STAG1: variants seen among roughly 807,000 people sequenced by gnomAD.
STAG1 encodes the protein cohesin subunit SA-1.
Under a neutral mutation model 170.9 loss-of-function variants are expected in STAG1, and 26 were observed. The ratio of observed to expected loss-of-function variants is 0.15; its 90% CI spans 0.11 to 0.21. The LOEUF (loss-of-function observed/expected upper bound fraction) is 0.21. Ranked by LOEUF, STAG1 falls within the 10% of genes least tolerant of loss-of-function variation. The probability of loss-of-function intolerance (pLI) is 1.00; values close to 1 mark genes in which losing one functional copy is unlikely to be tolerated. For synonymous variants in STAG1, 514 were observed against 497.7 expected, an observed-to-expected ratio of 1.03 and a Z score of -0.44; for missense variants, 964 against 1,509.5, an observed-to-expected ratio of 0.64 and a Z score of 5.99.
At chr3:136,431,944 GTC>G (rs2088315695) in intron 16 of STAG1, among the ~76,000 whole-genome samples, 1 of 152,124 alleles carries the variant, frequency 6.6e-6, no homozygotes, top group Non-Finnish European at 1.5e-5. Flanking sequence ...TCTGCAAATT[GTC>G]TCTCATCAAA....
intron 6 of STAG1, among the ~76,000 whole-genome samples, chr3:136,540,848 A>AAAAAAAAAAAAAAAAAAAAAAC (rs1935860549): frequency 6.8e-6 from 1 of 147,598 alleles, no homozygotes; most frequent in Admixed American, 6.8e-5. Context: ...AAAAAAAAAA[A>AAAAAAAAAAAAAAAAAAAAAAC]AAAACCTATA....
At chr3:136,607,735 T>C (rs991910620) in intron 3 of STAG1, among the ~76,000 whole-genome samples, 5 of 152,224 alleles carry the variant, frequency 3.3e-5, no homozygotes, top group African/African-American at 4.8e-5. Context: ...GTTGTTCAAA[T>C]TGTTTCAGCT....
intron 1 of STAG1, among the ~76,000 whole-genome samples, chr3:136,747,553 G>A (rs544328440): frequency 1.5e-4 from 23 of 152,066 alleles, no homozygotes; most frequent in Non-Finnish European, 2.2e-4. Context: ...GCCGGGCGTA[G>A]TGGCATGCAC....
At chr3:136,427,153 C>T (rs933402061) in intron 16 of STAG1, among the ~76,000 whole-genome samples, 1 of 150,528 alleles carries the variant, frequency 6.6e-6, no homozygotes, top group Admixed American at 6.6e-5. Flanking sequence ...CGCTTGAACC[C>T]GGGAGGCAGA....
At chr3:136,498,010 G>T (rs1414521715) in intron 9 of STAG1, among the ~76,000 whole-genome samples, 3 of 148,028 alleles carry the variant, frequency 2.0e-5, no homozygotes, top group Admixed American at 6.8e-5. Flanking sequence ...CTGACCAACA[G>T]GGAGAAACTC....
chr3:136,740,825 G>A (rs751548300), intron 1 of STAG1, among the ~76,000 whole-genome samples: 1 of 152,084 alleles, frequency 6.6e-6, no homozygotes, highest in Non-Finnish European at 1.5e-5. Context: ...CAAAGACGTG[G>A]GGAAAGACAG....
At chr3:136,394,178 T>A (rs1223349637) in intron 22 of STAG1, among the ~76,000 whole-genome samples, 1 of 152,208 alleles carries the variant, frequency 6.6e-6, no homozygotes, top group Non-Finnish European at 1.5e-5. Context: ...AGTGCTGGAA[T>A]TACAGGCATG....
intron 7 of STAG1, among the ~76,000 whole-genome samples, chr3:136,516,422 C>T (rs1010129071): frequency 6.6e-6 from 1 of 151,968 alleles, no homozygotes; most frequent in Non-Finnish European, 1.5e-5. Context: ...GTGGAAGGAT[C>T]GCTTGAGCCT....
rs530501336 is a variant in STAG1, at chr3:136,380,769, G to A, written c.2278-3017C>T. 2.2e-3 allele frequency among the ~76,000 whole-genome samples: 331 copies of A among 151,718 alleles called. 2 individuals carry two copies. The highest frequency in any genetic ancestry group is 7.7e-3 in the African/African-American group (318 of 41,412). On this transcript the variant is annotated intron_variant, in intron 22 of 33. Transcript: ENST00000383202. Reference sequence around the variant, plus strand: ...GCATGATGGCTCACGCCTGTAATCCGAGCACTTTGGGAGGCTGAGGTTGGC... The same window carrying A: ...GCATGATGGCTCACGCCTGTAATCCAAGCACTTTGGGAGGCTGAGGTTGGC...
intron 29 of STAG1, among the ~76,000 whole-genome samples, chr3:136,347,636 G>A (rs1486968437): frequency 6.6e-6 from 1 of 152,064 alleles, no homozygotes; most frequent in South Asian, 2.1e-4. Context: ...GCTTTGAGCT[G>A]GAGCTGCAAG....
chr3:136,606,190 G>C (rs1258822969), intron 3 of STAG1, among the ~76,000 whole-genome samples: 1 of 151,274 alleles, frequency 6.6e-6, no homozygotes, highest in Non-Finnish European at 1.5e-5. Context: ...TACTTTCTTT[G>C]AATTTTTTTT....
At chr3:136,393,891 C>T (rs886971244) in intron 22 of STAG1, among the ~76,000 whole-genome samples, 2 of 152,074 alleles carry the variant, frequency 1.3e-5, no homozygotes, top group Non-Finnish European at 2.9e-5. Flanking sequence ...CCACTGTGTC[C>T]AGCCTGAAAC....
At chr3:136,544,163 T>C (rs915666646) in intron 5 of STAG1, among the ~76,000 whole-genome samples, 2 of 152,126 alleles carry the variant, frequency 1.3e-5, no homozygotes, top group Non-Finnish European at 2.9e-5. Context: ...GTACCTATCA[T>C]AGGGGTAAGT....
intron 1 of STAG1, among the ~76,000 whole-genome samples, chr3:136,745,527 C>T (rs1049956367): frequency 8.5e-5 from 13 of 152,188 alleles, no homozygotes; most frequent in African/African-American, 2.4e-4. Flanking sequence ...AAGCACGCAA[C>T]GTACATCCCT....
chr3:136,368,951 A>G (rs544809049), intron 24 of STAG1, among the ~76,000 whole-genome samples, 157 bp downstream of exon 24: 66 of 152,232 alleles, frequency 4.3e-4, no homozygotes, highest in African/African-American at 1.3e-3. Context: ...TCAGTCTCCT[A>G]AAGTGCTAGG....
intron 4 of STAG1, among the ~76,000 whole-genome samples, chr3:136,599,997 AAAAC>A (rs1419076097): frequency 6.2e-4 from 95 of 152,320 alleles, no homozygotes; most frequent in African/African-American, 2.2e-3. Flanking sequence ...ACTCTTTCCT[AAAAC>A]AACATTGGGA....
chr3:136,520,971 G>A (rs1408063470), intron 7 of STAG1, among the ~76,000 whole-genome samples: 1 of 152,110 alleles, frequency 6.6e-6, no homozygotes, highest in East Asian at 1.9e-4. Flanking sequence ...AAATAAGGAT[G>A]TACATTAGTA....
intron 1 of STAG1, among the ~76,000 whole-genome samples, chr3:136,680,549 C>T (rs1009435844): frequency 2.0e-4 from 30 of 151,742 alleles, no homozygotes; most frequent in Admixed American, 2.6e-4. Flanking sequence ...AGGGATACAA[C>T]GGGAAGGAAA....
At chr3:136,467,052 C>A (rs1241084353) in intron 12 of STAG1, among the ~76,000 whole-genome samples, 1 of 152,126 alleles carries the variant, frequency 6.6e-6, no homozygotes, top group African/African-American at 2.4e-5. Context: ...CAAAAACATG[C>A]CAAATTGTAA....
Sources: allele counts gnomAD v4.1 joint callset (sites outside exome capture counted in the v4.1 genomes callset), GRCh38; gene constraint gnomAD v4.1.1; transcripts MANE v1.5; gene names NCBI Gene and HGNC (gene_info 2026-07-23, HGNC 2026-07-21).